PRKAG2: variants seen among roughly 807,000 people sequenced by gnomAD.
PRKAG2 encodes the protein 5'-AMP-activated protein kinase subunit gamma-2.
In PRKAG2, 26 loss-of-function variants were observed where a neutral mutation model predicts 69.6. The ratio of observed to expected loss-of-function variants is 0.37; its 90% CI spans 0.27 to 0.52. The LOEUF is 0.52. Among genes scored for constraint, PRKAG2 ranks in the 20% least tolerant of loss-of-function variants. PRKAG2 has a pLI of 0.90. For synonymous variants in PRKAG2, 293 were observed against 285.0 expected, an observed-to-expected ratio of 1.03 and a Z score of -0.28; for missense variants, 557 against 740.0, an observed-to-expected ratio of 0.75 and a Z score of 2.87.
chr7:151,636,183 CCATAA>C (rs1825713352), intron 4 of PRKAG2, among the ~76,000 whole-genome samples: 1 of 152,074 alleles, frequency 6.6e-6, no homozygotes, highest in African/African-American at 2.4e-5. Context: ...AATTCACATA[CCATAA>C]AATAACTCAC....
intron 3 of PRKAG2, among the ~76,000 whole-genome samples, chr7:151,707,594 GT>G (rs2151591852): frequency 6.6e-6 from 1 of 152,252 alleles, no homozygotes; most frequent in South Asian, 2.1e-4. Context: ...CTCCTCTCTG[GT>G]GGGGTGCTCC....
chr7:151,610,549 C>A (rs1345636407), intron 5 of PRKAG2, among the ~76,000 whole-genome samples: 1 of 151,068 alleles, frequency 6.6e-6, no homozygotes, highest in African/African-American at 2.4e-5. Flanking sequence ...TGGTGGTGCG[C>A]ACCTGTAGTC....
At chr7:151,725,834 G>A (rs920822394) in intron 3 of PRKAG2, among the ~76,000 whole-genome samples, 13 of 152,186 alleles carry the variant, frequency 8.5e-5, no homozygotes, top group African/African-American at 3.1e-4. Flanking sequence ...AAGAGGCCGA[G>A]AGGAGCTATG....
At chr7:151,603,599 GGA>G (rs1399620343) in intron 5 of PRKAG2, among the ~76,000 whole-genome samples, 6 of 137,962 alleles carry the variant, frequency 4.3e-5, no homozygotes, top group Admixed American at 6.9e-5. Flanking sequence ...GCACACGGAG[GGA>G]CACGCTCCGT....
intron 6 of PRKAG2, among the ~76,000 whole-genome samples, chr7:151,579,456 T>C (rs1296814025): frequency 6.6e-6 from 1 of 152,180 alleles, no homozygotes; most frequent in Non-Finnish European, 1.5e-5. Flanking sequence ...TGAAAACCTA[T>C]GCCAGAAAGT....
rs1335160115 is a variant in PRKAG2 at position 151,828,903 on chromosome 7, C to T, written c.115-42362G>A. On this transcript the variant is annotated intron_variant, in intron 1 of 15. Coordinates refer to ENST00000287878, the MANE Select transcript of PRKAG2 (RefSeq NM_016203.4). The surrounding 1 kb of genome is among the most constrained non-coding windows in gnomAD (Gnocchi z 4.6). ...TCCAGCCTGGGCAATAAAGAGAGAA[C>T]CTGTCTCTAAAAAGCAAAACAGAAC... is the stretch of plus-strand genomic sequence containing the variant. Among the ~76,000 whole-genome samples, 1 of 152,148 alleles carries T rather than the reference C, an allele frequency of 6.6e-6. No individual in the cohort carries two copies. The highest frequency in any genetic ancestry group is 2.4e-5 in the African/African-American group (1 of 41,414).
At chr7:151,684,310 TAC>T (rs543711033) in intron 3 of PRKAG2, among the ~76,000 whole-genome samples, 211 of 152,200 alleles carry the variant, frequency 1.4e-3, no homozygotes, top group Middle Eastern at 3.4e-3. Flanking sequence ...CCCCCAACGA[TAC>T]AGTTTCCAGC....
rs6961337 is a variant in PRKAG2, at chr7:151,660,946, C to G, written c.684+14474G>C. Among the ~76,000 whole-genome samples, 243 of 152,290 alleles carry G rather than the reference C, an allele frequency of 1.6e-3. 2 individuals are homozygous for G. Among genetic ancestry groups the G allele is most frequent in the African/African-American group, 5.8e-3 (240 of 41,564 alleles). ...ATAGTTTGCCATCTTAACCATTTTT[C>G]AGTAGACAGTCAGTAGCATTAAGCA... On this transcript the variant is annotated intron_variant, in intron 4 of 15. Transcript: ENST00000287878.
chr7:151,849,772 G>C (rs916470786), intron 1 of PRKAG2, among the ~76,000 whole-genome samples: 2 of 152,218 alleles, frequency 1.3e-5, no homozygotes, highest in African/African-American at 4.8e-5. Flanking sequence ...CCATCTTCTT[G>C]GGAGGCTGCA....
chr7:151,677,995 G>A (rs1398335535), intron 3 of PRKAG2, among the ~76,000 whole-genome samples: 1 of 152,036 alleles, frequency 6.6e-6, no homozygotes, highest in African/African-American at 2.4e-5. Flanking sequence ...ACTGTTTCTG[G>A]TCTGGACAAG....
intron 1 of PRKAG2, among the ~76,000 whole-genome samples, chr7:151,843,991 C>T (rs1055998877): frequency 6.6e-6 from 1 of 152,238 alleles, no homozygotes; most frequent in Non-Finnish European, 1.5e-5. Flanking sequence ...ATTCCAAGGC[C>T]TCAGCCTGGG....
chr7:151,752,097 C>T (rs1012320708), intron 3 of PRKAG2, among the ~76,000 whole-genome samples: 3 of 152,102 alleles, frequency 2.0e-5, no homozygotes, highest in Non-Finnish European at 2.9e-5. Flanking sequence ...CTGCTGGCCA[C>T]GTCTAGGACA....
chr7:151,714,294 G>T (rs1795794211), intron 3 of PRKAG2, among the ~76,000 whole-genome samples: 1 of 150,752 alleles, frequency 6.6e-6, no homozygotes, highest in African/African-American at 2.5e-5. Flanking sequence ...GCCAAGGTAT[G>T]GGGGAGGCGG....
Position 151,572,713 on chromosome 7 carries a change from C to A in PRKAG2, c.1006-4G>T, listed in dbSNP as rs776392263. On this transcript the variant is annotated splice_region_variant and splice_polypyrimidine_tract_variant and intron_variant, in intron 8 of 15. Transcript: ENST00000287878. ...CCTCTAATTCATAAATCTGTACCTGCAAATAAAAAAATTCTTATTTATAAA... is the reference window on the plus strand; with the variant it reads ...CCTCTAATTCATAAATCTGTACCTGAAAATAAAAAAATTCTTATTTATAAA... 3.8e-6 allele frequency: 6 copies of A among 1,560,786 alleles called. No individual in the cohort carries two copies. In the South Asian group the frequency reaches 4.6e-5, roughly 12 times the overall value.
chr7:151,790,599 C>A (rs114518414), intron 1 of PRKAG2: 2,728 of 152,382 alleles, frequency 0.018, 82 homozygotes, highest in African/African-American at 0.063. Flanking sequence ...CTGCAGCAAG[C>A]ATGGGGCCGC....
chr7:151,659,517 C>T (rs968979344), intron 4 of PRKAG2, among the ~76,000 whole-genome samples: 3 of 152,212 alleles, frequency 2.0e-5, no homozygotes, highest in Admixed American at 6.5e-5. Context: ...TCTCACACCA[C>T]GCAGATATCT....
At chr7:151,753,714 G>C (rs2074868923) in intron 3 of PRKAG2, among the ~76,000 whole-genome samples, 1 of 152,082 alleles carries the variant, frequency 6.6e-6, no homozygotes, top group South Asian at 2.1e-4. Context: ...ACCTCGCCCA[G>C]CCCTAAAGTG....
At chr7:151,837,850 G>A (rs568533222) in intron 1 of PRKAG2, among the ~76,000 whole-genome samples, 3 of 152,186 alleles carry the variant, frequency 2.0e-5, no homozygotes, top group East Asian at 1.9e-4. Flanking sequence ...CAGAGTTCCC[G>A]CCCCCTGCAA....
chr7:151,868,951 A>T (rs1227368379), intron 1 of PRKAG2, among the ~76,000 whole-genome samples: 1 of 152,238 alleles, frequency 6.6e-6, no homozygotes, highest in Non-Finnish European at 1.5e-5. Context: ...TACGTAAGCG[A>T]AGTCTGAGTA....
Sources: gnomAD v4.1 joint callset for allele counts (sites outside exome capture counted in the v4.1 genomes callset) on GRCh38, gnomAD v4.1.1 for gene constraint, Gnocchi (gnomAD v3.1) non-coding constraint, MANE v1.5 for transcripts, NCBI Gene and HGNC (gene_info 2026-07-23, HGNC 2026-07-21) for gene names.